The following ETV1 variants were observed in gnomAD, a reference collection of about 807,000 sequenced individuals.
ETV1 encodes the protein ETS translocation variant 1.
A neutral mutation model predicts 62.3 loss-of-function variants in ETV1; 27 were observed. The ratio of observed to expected loss-of-function variants is 0.43; its 90% CI spans 0.32 to 0.60. The LOEUF (loss-of-function observed/expected upper bound fraction) is 0.60. Among genes scored for constraint, ETV1 ranks in the 20% least tolerant of loss-of-function variants. The pLI, the probability that ETV1 is intolerant of heterozygous loss-of-function variation, is 0.06. For synonymous variants in ETV1, 222 were observed against 199.6 expected (o/e 1.11, Z -0.94); for missense variants, 605 against 605.8 (o/e 1.00, Z 0.01).
intron 6 of ETV1, among the ~76,000 whole-genome samples, chr7:13,970,419 A>C (rs1010634125): frequency 6.6e-6 from 1 of 152,124 alleles, no homozygotes; most frequent in African/African-American, 2.4e-5. Flanking sequence ...CTTGGGCGAG[A>C]AGGTATGCAA....
intron 12 of ETV1, among the ~76,000 whole-genome samples, chr7:13,903,583 T>C (rs1782656593): frequency 6.6e-6 from 1 of 151,702 alleles, no homozygotes; most frequent in Non-Finnish European, 1.5e-5. Flanking sequence ...GCCAACATAG[T>C]GAAACCCCGT....
intron 6 of ETV1, among the ~76,000 whole-genome samples, chr7:13,955,829 A>C (rs1180667356): frequency 6.6e-6 from 1 of 151,370 alleles, no homozygotes; most frequent in Admixed American, 6.5e-5. Context: ...ATTTCTTAAA[A>C]CACTCATTTT....
At position 13,923,629 on chromosome 7, in the gene ETV1, T is replaced by C. The variant is rs1038268578; in HGVS notation, c.802+7873A>G. On this transcript the variant is annotated intron_variant, in intron 9 of 13. Transcript: ENST00000430479. ...ATGTGCTAAGGACAGATAACCGTTC[T>C]CTAAATTTACAGGCTTTTCTACTGG... Among the ~76,000 whole-genome samples, 6 of 152,296 alleles carry C rather than the reference T, an allele frequency of 3.9e-5. No individual in the cohort carries two copies. The South Asian group carries it at 1.2e-3, about 32-fold the overall frequency.
At chr7:13,915,021 G>C (rs1324013415) in intron 9 of ETV1, among the ~76,000 whole-genome samples, 1 of 152,100 alleles carries the variant, frequency 6.6e-6, no homozygotes, top group Non-Finnish European at 1.5e-5. Flanking sequence ...TGATGCTTTT[G>C]GTTAAATTCT....
At position 13,900,804 on chromosome 7, in the gene ETV1, T is replaced by C. The variant is rs1203373645; in HGVS notation, c.1146A>G (p.Pro382=). Residue 382 remains proline, a synonymous_variant, in exon 13 of 14, where the codon CCA becomes CCG. Transcript: ENST00000430479. ...ARRWGIQKNR[P]AMNYDKLSRS... is the part of the protein sequence containing the mutation. ...GGCTAAGTTTATCATAGTTCATAGC[T>C]GGCCTGTTTTTCTGAATGCCCCAAC... is the stretch of plus-strand genomic sequence containing the variant. 1 of 1,611,166 alleles carries C rather than the reference T, an allele frequency of 6.2e-7. No homozygotes were observed. Among genetic ancestry groups the C allele is most frequent in the Non-Finnish European group, 8.5e-7 (1 of 1,178,670 alleles).
intron 9 of ETV1, among the ~76,000 whole-genome samples, chr7:13,928,027 T>C (rs889143058): frequency 8.5e-5 from 13 of 152,168 alleles, no homozygotes; most frequent in Non-Finnish European, 1.8e-4. Context: ...ACAAAAGAGA[T>C]GCCATACATA....
chr7:13,931,305 TC>T (rs1786121360), intron 9 of ETV1, among the ~76,000 whole-genome samples, 196 bp downstream of exon 9: 1 of 152,234 alleles, frequency 6.6e-6, no homozygotes, highest in Non-Finnish European at 1.5e-5. Flanking sequence ...AGACACTATT[TC>T]AACCATCACC....
At chr7:13,965,495 T>C (rs1790682358) in intron 6 of ETV1, among the ~76,000 whole-genome samples, 1 of 151,970 alleles carries the variant, frequency 6.6e-6, no homozygotes, top group African/African-American at 2.4e-5. Flanking sequence ...AGCTTGTACG[T>C]GTAGTCTGAG....
Position 13,935,698 on chromosome 7 carries a change from T to C in ETV1, c.554+10A>G, listed in dbSNP as rs1399443160. 1 of 1,611,138 alleles carries C rather than the reference T, an allele frequency of 6.2e-7. No homozygotes were observed. The highest frequency in any genetic ancestry group is 1.7e-5 in the Admixed American group (1 of 59,728). On this transcript the variant is annotated intron_variant, in intron 8 of 13. Transcript: ENST00000430479. ...AAACAGTTTCTAGAAAACTGGTATCTGCAGGTTACCTGTGGTCCATGGGGT... is the reference window on the plus strand; with the variant it reads ...AAACAGTTTCTAGAAAACTGGTATCCGCAGGTTACCTGTGGTCCATGGGGT...
At chr7:13,920,326 C>A (rs140234065) in intron 9 of ETV1, among the ~76,000 whole-genome samples, 4 of 152,250 alleles carry the variant, frequency 2.6e-5, no homozygotes, top group South Asian at 4.1e-4. Context: ...AGGTTACTTG[C>A]AAGCAGGACC....
chr7:13,902,132 A>G (rs1270057407), intron 12 of ETV1, among the ~76,000 whole-genome samples: 2 of 152,184 alleles, frequency 1.3e-5, no homozygotes, highest in Non-Finnish European at 2.9e-5. Flanking sequence ...CCAAGAGGAC[A>G]TTATCTAATA....
At chr7:13,946,114 T>C (rs185770258) in intron 6 of ETV1, among the ~76,000 whole-genome samples, 56 of 152,316 alleles carry the variant, frequency 3.7e-4, no homozygotes, top group African/African-American at 1.3e-3. Flanking sequence ...ACTCCTTCAT[T>C]TCATTTGCAA....
intron 3 of ETV1, chr7:13,988,501 GC>G (rs1429630759): frequency 3.3e-5 from 23 of 703,060 alleles, no homozygotes; most frequent in Non-Finnish European, 4.5e-5. Context: ...CTGGTTCAAT[GC>G]TAGATTAAAA....
Position 13,989,077 on chromosome 7 carries a change from C to T in ETV1, c.-25G>A. 1 of 1,543,052 alleles carries T rather than the reference C, an allele frequency of 6.5e-7. No homozygotes were observed. The highest frequency in any genetic ancestry group is 8.7e-7 in the Non-Finnish European group (1 of 1,149,624). On this transcript the variant is annotated 5_prime_UTR_variant, in exon 3 of 14. Coordinates refer to ENST00000430479, the MANE Select transcript of ETV1 (RefSeq NM_004956.5). ...TGCTGCTGCTCTTCGCAAATCTCAG[C>T]TCAGTATTTTATATTTTGAGCATTT...
chr7:13,971,032 C>T (rs750799296), intron 6 of ETV1, among the ~76,000 whole-genome samples: 1 of 152,050 alleles, frequency 6.6e-6, no homozygotes, highest in Non-Finnish European at 1.5e-5. Flanking sequence ...AGTGCGATGG[C>T]ACGATCTTGG....
At chr7:13,970,433 G>GCT (rs1464132066) in intron 6 of ETV1, among the ~76,000 whole-genome samples, 1 of 152,024 alleles carries the variant, frequency 6.6e-6, no homozygotes, top group African/African-American at 2.4e-5. Flanking sequence ...TATGCAACTA[G>GCT]TCATGCTTGA....
chr7:13,988,525 T>A, intron 3 of ETV1: 1 of 798,974 alleles, frequency 1.3e-6, no homozygotes, highest in Middle Eastern at 2.8e-4. Context: ...GTGGGTTTTA[T>A]TCTCTCTTGG....
At chr7:13,985,286 A>T (rs1194616799) in intron 5 of ETV1, 1 of 152,136 alleles carries the variant, frequency 6.6e-6, no homozygotes, top group Non-Finnish European at 1.5e-5. Flanking sequence ...AATGTATTGC[A>T]GTAAGTTTCA....
chr7:13,922,838 G>A (rs902857052), intron 9 of ETV1, among the ~76,000 whole-genome samples: 2 of 152,092 alleles, frequency 1.3e-5, no homozygotes, highest in African/African-American at 4.8e-5. Flanking sequence ...ATTTTTGGTT[G>A]CTTATGTGTG....
Sources: allele counts gnomAD v4.1 joint callset (sites outside exome capture counted in the v4.1 genomes callset), GRCh38; gene constraint gnomAD v4.1.1; transcripts MANE v1.5; gene names NCBI Gene and HGNC (gene_info 2026-07-23, HGNC 2026-07-21).